Variants in ATP7A observed in about 807,000 individuals in gnomAD.
ATP7A encodes copper-transporting ATPase 1.
In ATP7A, 7 loss-of-function variants were observed where a neutral mutation model predicts 83.5. The observed-to-expected ratio is 0.08, with a 90% confidence interval of 0.05 to 0.16. The LOEUF (loss-of-function observed/expected upper bound fraction) is 0.16, where lower values mean the gene tolerates loss of function less well. Among genes scored for constraint, ATP7A ranks in the 10% least tolerant of loss-of-function variants. The pLI, the probability that ATP7A is intolerant of heterozygous loss-of-function variation, is 1.00. For synonymous variants in ATP7A, 354 were observed against 395.2 expected, an observed-to-expected ratio of 0.90 and a Z score of 1.24; for missense variants, 940 against 1,120.8, an observed-to-expected ratio of 0.84 and a Z score of 2.30.
intron 2 of ATP7A, among the ~76,000 whole-genome samples, chrX:77,978,506 A>G (rs1169045754): frequency 8.9e-6 from 1 of 111,871 alleles, no homozygotes; most frequent in Non-Finnish European, 1.9e-5. Flanking sequence ...TACAGCTCAT[A>G]TATGAAAGAA....
At chrX:77,949,943 A>G (rs1281593238) in intron 1 of ATP7A, among the ~76,000 whole-genome samples, 1 of 111,740 alleles carries the variant, frequency 8.9e-6, no homozygotes, top group African/African-American at 3.3e-5. Context: ...GTTTATAGAG[A>G]CAACAGAAGT....
In ATP7A at chrX:78,011,494, A is replaced by G; in HGVS notation, c.1992A>G (p.Val664=). 2.5e-6 allele frequency: 3 copies of G among 1,210,361 alleles called. No homozygotes were observed. The highest frequency in any genetic ancestry group is 3.4e-6 in the Non-Finnish European group (3 of 894,964). Residue 664 remains valine, a synonymous_variant, in exon 9 of 23, where the codon GTA becomes GTG. Transcript: ENST00000341514. The part of the protein sequence containing the change: ...FLVSLFFCIP[V]MGLMIYMMVM... ...TGAGTCTGTTTTTCTGTATTCCTGTAATGGGGCTGATGATATATATGATGG... is the reference window on the plus strand; with the variant it reads ...TGAGTCTGTTTTTCTGTATTCCTGTGATGGGGCTGATGATATATATGATGG...
intron 4 of ATP7A, among the ~76,000 whole-genome samples, chrX:77,997,217 GACC>G (rs1557232650): frequency 4.5e-5 from 5 of 112,183 alleles, no homozygotes; most frequent in South Asian, 3.7e-4. Context: ...GCTATACTCA[GACC>G]TAGGCTGGCA....
At chrX:77,931,471 C>T (rs1164063584) in intron 1 of ATP7A, among the ~76,000 whole-genome samples, 3 of 112,552 alleles carry the variant, frequency 2.7e-5, no homozygotes, top group African/African-American at 9.7e-5. Context: ...CCTTTCCTCC[C>T]TTTCTATTCC....
intron 1 of ATP7A, chrX:77,924,033 A>G (rs2077229532): frequency 8.9e-6 from 1 of 111,840 alleles, no homozygotes; most frequent in African/African-American, 3.2e-5. Flanking sequence ...TTGCCTGTCT[A>G]AAATGGGGTG....
intron 5 of ATP7A, among the ~76,000 whole-genome samples, chrX:78,001,204 A>C (rs1250878869): frequency 1.8e-5 from 2 of 111,699 alleles, no homozygotes; most frequent in Non-Finnish European, 3.8e-5. Context: ...TGATCACCTG[A>C]ATTGTTTGAT....
rs782349854 is a variant in ATP7A, at chrX:77,999,798, G to A, written c.1543+1114G>A. Among the ~76,000 whole-genome samples the A allele has an allele frequency of 9.1e-5, 10 of 110,054 alleles. No individual in the cohort carries two copies. In the South Asian group the frequency reaches 3.2e-3, roughly 35 times the overall value. ...GCATGCCTGGAGTCCCAGCTACTTG[G>A]GAGGCTGAGGCAGGAGAATCTCTTG... is the stretch of plus-strand genomic sequence containing the variant. On this transcript the variant is annotated intron_variant, in intron 5 of 22. Coordinates refer to ENST00000341514, the MANE Select transcript of ATP7A (RefSeq NM_000052.7).
intron 2 of ATP7A, chrX:77,975,481 C>CTTTTTTTTTTCTTTT (rs2077571657): frequency 1.8e-5 from 1 of 54,799 alleles, no homozygotes; most frequent in African/African-American, 8.5e-5. Context: ...ATTATGCTTA[C>CTTTTTTTTTTCTTTT]TTTTTTTTTT....
At chrX:78,010,174 A>C (rs2077808164) in intron 7 of ATP7A, among the ~76,000 whole-genome samples, 1 of 112,457 alleles carries the variant, frequency 8.9e-6, no homozygotes, top group Non-Finnish European at 1.9e-5. Context: ...CCAAGATTGC[A>C]AAGCTTCAAC....
At chrX:77,953,781 C>T (rs1046008787) in intron 1 of ATP7A, among the ~76,000 whole-genome samples, 1 of 112,437 alleles carries the variant, frequency 8.9e-6, no homozygotes, top group East Asian at 2.8e-4. Context: ...ACACATTGCC[C>T]TGTTAAGTTA....
intron 14 of ATP7A, among the ~76,000 whole-genome samples, chrX:78,027,044 C>T (rs1042403597): frequency 1.8e-5 from 2 of 108,545 alleles, no homozygotes; most frequent in Non-Finnish European, 3.8e-5. Flanking sequence ...CAGCTACTTG[C>T]GAGACTGAGG....
At chrX:78,011,390 T>A in intron 8 of ATP7A, 59 bp from the exon 9 acceptor site, 3 of 1,077,117 alleles carry the variant, frequency 2.8e-6, no homozygotes, top group Non-Finnish European at 3.9e-6. Flanking sequence ...GTATGTAGAA[T>A]CTTTACCCAT....
intron 1 of ATP7A, among the ~76,000 whole-genome samples, chrX:77,932,343 G>T (rs2077290832): frequency 9.1e-6 from 1 of 109,444 alleles, no homozygotes; most frequent in Non-Finnish European, 1.9e-5. Context: ...TTCCTAGATG[G>T]GATGGCGGCC....
At chrX:78,016,418 GA>G (rs1427100790) in intron 12 of ATP7A, among the ~76,000 whole-genome samples, 1 of 110,449 alleles carries the variant, frequency 9.1e-6, no homozygotes, top group African/African-American at 3.3e-5. Context: ...TCCCACCCTT[GA>G]CCCCTCCCAA....
intron 6 of ATP7A, among the ~76,000 whole-genome samples, chrX:78,003,938 T>C (rs917610553): frequency 9.0e-6 from 1 of 111,189 alleles, no homozygotes; most frequent in Admixed American, 9.7e-5. Context: ...TGAGACTTTG[T>C]TTTTTTAAAA....
chrX:77,930,851 T>A (rs1343436563), intron 1 of ATP7A, among the ~76,000 whole-genome samples: 1 of 110,852 alleles, frequency 9.0e-6, no homozygotes, highest in African/African-American at 3.3e-5. Flanking sequence ...CGACTTTAGA[T>A]CATGCCCCAA....
intron 15 of ATP7A, among the ~76,000 whole-genome samples, chrX:78,030,593 G>A (rs782598979): frequency 9.9e-5 from 11 of 110,569 alleles, no homozygotes; most frequent in Non-Finnish European, 1.9e-4. Flanking sequence ...TGTAGTCCAT[G>A]TTCCAGTTTC....
chrX:77,966,319 C>T (rs1223253167), intron 1 of ATP7A, among the ~76,000 whole-genome samples: 1 of 111,803 alleles, frequency 8.9e-6, no homozygotes, highest in Non-Finnish European at 1.9e-5. Flanking sequence ...TAGAAGAAAA[C>T]ATAGCAGTAA....
rs782559426 is a variant in ATP7A, at chrX:78,018,886, C to T, written c.2627-1358C>T. ...CATAAGGCAACAGTAGAGAGAAGTG[C>T]CAGCAGGGGAAATGCCAGACACTTA... is the stretch of plus-strand genomic sequence containing the variant. On this transcript the variant is annotated intron_variant, in intron 12 of 22. Coordinates refer to ENST00000341514, the MANE Select transcript of ATP7A (RefSeq NM_000052.7). Among the ~76,000 whole-genome samples, 19 of 95,687 alleles carry T rather than the reference C, an allele frequency of 2.0e-4. No homozygotes were observed. The East Asian group carries it at 6.1e-3, about 31-fold the overall frequency. 83.1% of individuals were successfully genotyped at this position (95,687 alleles called of 115,157 possible).
Sources: gnomAD v4.1 joint callset for allele counts (sites outside exome capture counted in the v4.1 genomes callset) on GRCh38, gnomAD v4.1.1 for gene constraint, MANE v1.5 for transcripts, NCBI Gene and HGNC (gene_info 2026-07-23, HGNC 2026-07-21) for gene names.